The following UGT1A4 variants were observed in gnomAD, a reference collection of about 807,000 sequenced individuals.
The protein encoded by UGT1A4 is UDP glucuronosyltransferase family 1 member A4.
Under a neutral mutation model 41.1 loss-of-function variants are expected in UGT1A4, and 32 were observed. The observed-to-expected ratio is 0.78, with a 90% CI of 0.59 to 1.05. The LOEUF (loss-of-function observed/expected upper bound fraction) is 1.05. Ranked by LOEUF, UGT1A4 falls within the 50% of genes least tolerant of loss-of-function variation. The pLI, the probability that UGT1A4 is intolerant of heterozygous loss-of-function variation, is 0.00. For synonymous variants in UGT1A4, 283 were observed against 265.1 expected (o/e 1.07, Z -0.66); for missense variants, 748 against 677.4 (o/e 1.10, Z -1.16).
intron 1 of UGT1A4, among the ~76,000 whole-genome samples, chr2:233,737,749 T>C (rs1235645192): frequency 6.6e-6 from 1 of 152,308 alleles, no homozygotes; most frequent in South Asian, 2.1e-4. Context: ...CTTCCAGTTT[T>C]TCAATGTGAA....
chr2:233,760,268 C>T (rs1166163686), intron 1 of UGT1A4: 1 of 1,612,240 alleles, frequency 6.2e-7, no homozygotes, highest in Admixed American at 1.7e-5. Context: ...GGGCGAACCT[C>T]TGGCAGGAGC....
intron 1 of UGT1A4, among the ~76,000 whole-genome samples, chr2:233,752,885 GC>G (rs1406644444): frequency 1.3e-5 from 2 of 152,174 alleles, no homozygotes; most frequent in Non-Finnish European, 2.9e-5. Context: ...GTTAAAACTA[GC>G]CAGCGTTGTT....
chr2:233,760,971 C>T (rs773436128), intron 1 of UGT1A4: 1 of 1,614,154 alleles, frequency 6.2e-7, no homozygotes, highest in South Asian at 1.1e-5. Context: ...TGGTTTATTC[C>T]CCGTATGCAA....
intron 1 of UGT1A4, chr2:233,742,915 T>C (rs558840772): frequency 5.4e-6 from 1 of 183,798 alleles, no homozygotes; most frequent in East Asian, 1.4e-4. Flanking sequence ...ATGCTCAAAG[T>C]GCTGAACTGA....
intron 1 of UGT1A4, among the ~76,000 whole-genome samples, chr2:233,757,413 A>T (rs1189718931): frequency 6.6e-6 from 1 of 151,560 alleles, no homozygotes; most frequent in Non-Finnish European, 1.5e-5. Context: ...AGGGTCTAGA[A>T]CGAAAAGAGA....
intron 1 of UGT1A4, among the ~76,000 whole-genome samples, chr2:233,756,977 A>G (rs1696373315): frequency 6.6e-6 from 1 of 152,008 alleles, no homozygotes; most frequent in South Asian, 2.1e-4. Flanking sequence ...CACGCAATGA[A>G]CAGTCATAGT....
intron 1 of UGT1A4, among the ~76,000 whole-genome samples, chr2:233,759,575 A>G (rs1346908637): frequency 6.6e-6 from 1 of 151,414 alleles, no homozygotes; most frequent in Admixed American, 6.6e-5. Context: ...GTCATTCTCT[A>G]CCCCAGCACG....
chr2:233,766,431 T>C (rs2126025401), intron 1 of UGT1A4, among the ~76,000 whole-genome samples: 1 of 152,314 alleles, frequency 6.6e-6, no homozygotes, highest in Middle Eastern at 3.4e-3. Context: ...GATGTCCAGC[T>C]ACCTGTGTGT....
intron 1 of UGT1A4, among the ~76,000 whole-genome samples, chr2:233,763,573 C>T (rs1559410117): frequency 1.3e-5 from 2 of 152,188 alleles, no homozygotes; most frequent in African/African-American, 4.8e-5. Flanking sequence ...TTCTTATTTT[C>T]TCTTTCTTCC....
chr2:233,731,267 C>G (rs969941483), intron 1 of UGT1A4, among the ~76,000 whole-genome samples: 13 of 149,924 alleles, frequency 8.7e-5, no homozygotes, highest in Admixed American at 3.3e-4. Context: ...TGACTGTTGC[C>G]CTTCCAGTTT....
At chr2:233,736,366 C>A (rs985371581) in intron 1 of UGT1A4, among the ~76,000 whole-genome samples, 1 of 152,198 alleles carries the variant, frequency 6.6e-6, no homozygotes, top group African/African-American at 2.4e-5. Context: ...TCCATCAGGT[C>A]ATTTAAGGTC....
rs1183097052 is a variant in UGT1A4, at chr2:233,768,306, A to G, written c.1174A>G (p.Met392Val). Residue 392 changes from methionine to valine, a missense_variant, in exon 4 of 5, where the codon ATG (methionine) becomes GTG (valine). Met to Val is a conservative substitution (Grantham distance 21, BLOSUM62 1). Coordinates refer to ENST00000373409, the MANE Select transcript of UGT1A4 (RefSeq NM_007120.3). ...ATGCAATGGCGTTCCCATGGTGATG[A>G]TGCCCTTGTTTGGTGATCAGATGGA... ...SICNGVPMVM[M>V]PLFGDQMDNA... 6.2e-7 allele frequency: 1 copy of G among 1,614,086 alleles called. No homozygotes were observed. The highest frequency in any genetic ancestry group is 1.7e-5 in the Admixed American group (1 of 60,000).
At chr2:233,728,805 A>G (rs2077752028) in intron 1 of UGT1A4, among the ~76,000 whole-genome samples, 1 of 152,166 alleles carries the variant, frequency 6.6e-6, no homozygotes, top group Non-Finnish European at 1.5e-5. Context: ...GAAGTAGGAG[A>G]CAGTGACATG....
At chr2:233,741,527 G>A (rs1192386842) in intron 1 of UGT1A4, 5 of 151,902 alleles carry the variant, frequency 3.3e-5, no homozygotes, top group Non-Finnish European at 5.9e-5. Flanking sequence ...TTAACAGTCT[G>A]TCTTATTCTG....
intron 1 of UGT1A4, among the ~76,000 whole-genome samples, chr2:233,750,359 T>C (rs1390894315): frequency 6.6e-6 from 1 of 151,860 alleles, no homozygotes; most frequent in Non-Finnish European, 1.5e-5. Context: ...AACTTATGTT[T>C]AAAAGGGAAG....
At chr2:233,767,718 A>G in intron 2 of UGT1A4, 131 bp from the exon 3 acceptor site, 1 of 1,541,762 alleles carries the variant, frequency 6.5e-7, no homozygotes, top group Non-Finnish European at 8.7e-7. Context: ...AAGCCTTCAC[A>G]GTTACTGATC....
intron 1 of UGT1A4, among the ~76,000 whole-genome samples, chr2:233,748,465 C>G (rs987593580): frequency 6.6e-6 from 1 of 151,790 alleles, no homozygotes; most frequent in African/African-American, 2.4e-5. Context: ...AAAGATGATG[C>G]AACAGCAAAT....
intron 1 of UGT1A4, among the ~76,000 whole-genome samples, chr2:233,744,831 G>T (rs1406769887): frequency 6.6e-6 from 1 of 151,816 alleles, no homozygotes; most frequent in Non-Finnish European, 1.5e-5. Flanking sequence ...TTTGAGAATC[G>T]CTAGTCTAGC....
At chr2:233,746,133 C>A (rs1693313600) in intron 1 of UGT1A4, among the ~76,000 whole-genome samples, 1 of 151,790 alleles carries the variant, frequency 6.6e-6, no homozygotes, top group African/African-American at 2.4e-5. Context: ...TGTGGACTGG[C>A]ACCTGAGTGA....
Sources: allele counts gnomAD v4.1 joint callset (sites outside exome capture counted in the v4.1 genomes callset), GRCh38; gene constraint gnomAD v4.1.1; transcripts MANE v1.5; gene names NCBI Gene and HGNC (gene_info 2026-07-23, HGNC 2026-07-21).